SHTN1: variants seen among roughly 807,000 people sequenced by gnomAD.
SHTN1 encodes the protein shootin 1.
Under a neutral mutation model 83.1 loss-of-function variants are expected in SHTN1, and 42 were observed. The observed-to-expected ratio is 0.51, with a 90% CI of 0.39 to 0.65. The LOEUF (loss-of-function observed/expected upper bound fraction) is 0.65. SHTN1 is among the 30% of genes least tolerant of loss of function. The probability of loss-of-function intolerance (pLI) is 0.00; values close to 1 mark genes in which losing one functional copy is unlikely to be tolerated. For missense variants in SHTN1, 622 were observed against 737.8 expected (o/e 0.84, Z 1.82); for synonymous variants, 224 against 247.7 (o/e 0.90, Z 0.90).
intron 16 of SHTN1, among the ~76,000 whole-genome samples, chr10:116,893,575 T>TACACACACACACACACACACACACAC (rs1564861763): frequency 2.7e-3 from 2 of 740 alleles, no homozygotes; most frequent in Non-Finnish European, 6.4e-3. Context: ...GGCACTCATG[T>TACACACACACACACACACACACACAC]GCACACACAC....
At chr10:116,954,277 T>C (rs191127264) in intron 4 of SHTN1, 67 bp from the exon 5 acceptor site, 3 of 1,038,512 alleles carry the variant, frequency 2.9e-6, no homozygotes, top group East Asian at 2.6e-5. Context: ...TTTTAAACAA[T>C]AGACAAATTA....
chr10:117,083,627 G>C (rs1054735814), intron 1 of SHTN1, among the ~76,000 whole-genome samples: 51 of 146,772 alleles, frequency 3.5e-4, no homozygotes, highest in East Asian at 4.2e-4. Flanking sequence ...ATCCTGCAGA[G>C]TGTTTTCCAA....
chr10:117,028,133 C>T (rs1195379800), intron 2 of SHTN1, among the ~76,000 whole-genome samples: 1 of 152,152 alleles, frequency 6.6e-6, no homozygotes, highest in Non-Finnish European at 1.5e-5. Flanking sequence ...AACTTGGCTA[C>T]ATTGTGTCCC....
At position 117,100,218 on chromosome 10, in the gene SHTN1, G is replaced by A. The variant is rs1012930580; in HGVS notation, c.-189+26089C>T. Among the ~76,000 whole-genome samples, 18 of 152,124 alleles carry A rather than the reference G, an allele frequency of 1.2e-4. 1 individual carries two copies. Among genetic ancestry groups the A allele is most frequent in the Admixed American group, 9.8e-4 (15 of 15,262 alleles). ...AATAAAAAATAAAGAGTAAATACAT[G>A]TAAAGCATCTGGCACACATCAGATC... On this transcript the variant is annotated intron_variant, in intron 1 of 17. Coordinates refer to the SHTN1 transcript ENST00000392901.
intron 1 of SHTN1, among the ~76,000 whole-genome samples, chr10:117,110,289 C>T (rs1853746286): frequency 6.6e-6 from 1 of 152,210 alleles, no homozygotes. Context: ...TCACACATTG[C>T]TGTCAAAATC....
At chr10:116,984,313 A>G (rs1413213371) in intron 1 of SHTN1, among the ~76,000 whole-genome samples, 3 of 152,368 alleles carry the variant, frequency 2.0e-5, no homozygotes, top group Non-Finnish European at 2.9e-5. Flanking sequence ...CTTCAGTTGC[A>G]TAAGTTAAAT....
At chr10:117,038,593 A>G (rs1167492788) in intron 2 of SHTN1, among the ~76,000 whole-genome samples, 5 of 152,240 alleles carry the variant, frequency 3.3e-5, no homozygotes, top group African/African-American at 9.6e-5. Flanking sequence ...GACATCTTAT[A>G]AAGGGCTGTT....
At chr10:116,977,156 A>G (rs1850837666) in intron 2 of SHTN1, among the ~76,000 whole-genome samples, 1 of 152,234 alleles carries the variant, frequency 6.6e-6, no homozygotes, top group Non-Finnish European at 1.5e-5. Context: ...AGCATCTACT[A>G]TGTATTTTTA....
upstream of SHTN1, among the ~76,000 whole-genome samples, chr10:117,006,683 C>A (rs192967734): frequency 4.0e-5 from 6 of 151,828 alleles, no homozygotes; most frequent in Admixed American, 3.9e-4. Context: ...TAAGTCCAAA[C>A]TGAATTAGAC....
chr10:117,097,985 T>G (rs957339741), intron 1 of SHTN1, among the ~76,000 whole-genome samples: 1 of 151,456 alleles, frequency 6.6e-6, no homozygotes, highest in Admixed American at 6.6e-5. Flanking sequence ...TCACGTGAAG[T>G]GGAGTGGATA....
chr10:117,009,557 CAA>C (rs1257433352), upstream of SHTN1, among the ~76,000 whole-genome samples: 2 of 151,824 alleles, frequency 1.3e-5, no homozygotes, highest in Admixed American at 6.6e-5. Flanking sequence ...TTACAATAAA[CAA>C]AAGTCTATAT....
At chr10:116,953,770 G>A (rs1178245918) in intron 5 of SHTN1, among the ~76,000 whole-genome samples, 1 of 151,870 alleles carries the variant, frequency 6.6e-6, no homozygotes, top group East Asian at 1.9e-4. Context: ...TGGGATTACA[G>A]GCACCTGCCA....
chr10:116,939,110 G>A (rs1849273358), intron 9 of SHTN1, among the ~76,000 whole-genome samples: 1 of 152,216 alleles, frequency 6.6e-6, no homozygotes, highest in South Asian at 2.1e-4. Context: ...GCTCCGTGGG[G>A]GTGGGATCTG....
intron 1 of SHTN1, among the ~76,000 whole-genome samples, chr10:117,118,289 G>A (rs1853877168): frequency 6.8e-6 from 1 of 147,548 alleles, no homozygotes; most frequent in African/African-American, 2.5e-5. Flanking sequence ...TGGCAAATAG[G>A]TATATGAAGA....
At chr10:116,991,011 CCT>C (rs1415322419) in intron 1 of SHTN1, among the ~76,000 whole-genome samples, 1 of 151,970 alleles carries the variant, frequency 6.6e-6, no homozygotes, top group African/African-American at 2.4e-5. Context: ...ATGGTGAAAC[CCT>C]GTCTCTACTA....
At chr10:116,906,565 G>T (rs1847978857) in intron 15 of SHTN1, 62 bp downstream of exon 15, 4 of 1,490,748 alleles carry the variant, frequency 2.7e-6, no homozygotes, top group Non-Finnish European at 3.6e-6. Flanking sequence ...TGTAAAAAGA[G>T]ACTTAGAAGA....
chr10:116,881,643 G>A lies in SHTN1; in HGVS notation c.*4701C>T, dbSNP rs1314083226. On this transcript the variant is annotated 3_prime_UTR_variant, in exon 17 of 17. Transcript: ENST00000355371. The stretch of plus-strand genomic sequence containing the variant: ...CCCCACACAAGGTGTAGAGGAATCA[G>A]CCGAAACAGGAGCATCCTCTGGATA... 1 of 1,547,622 alleles carries A rather than the reference G, an allele frequency of 6.5e-7. No individual in the cohort carries two copies.
Position 116,940,618 on chromosome 10 carries a change from A to G in SHTN1, c.712-6T>C, listed in dbSNP as rs758206906. The G allele has an allele frequency of 7.5e-6, 12 of 1,597,924 alleles. No individual in the cohort carries two copies. Among genetic ancestry groups the G allele is most frequent in the Middle Eastern group, 1.7e-4 (1 of 5,996 alleles). Reference sequence around the variant, plus strand: ...TTGTTTTGCTCAATGAACATCTGCAAAAGTTTGTTACAAGAATGTATATAT... The same window carrying G: ...TTGTTTTGCTCAATGAACATCTGCAGAAGTTTGTTACAAGAATGTATATAT... On this transcript the variant is annotated splice_region_variant and splice_polypyrimidine_tract_variant and intron_variant, in intron 8 of 16. Coordinates refer to ENST00000355371, the MANE Select transcript of SHTN1 (RefSeq NM_001127211.3).
In SHTN1 at chr10:117,090,232, AGAAAG is replaced by A. The variant is rs1422668221; in HGVS notation, c.-189+36070_-189+36074del. 2.6e-5 allele frequency among the ~76,000 whole-genome samples: 4 copies of A among 152,236 alleles called. No individual in the cohort carries two copies. The East Asian group carries it at 7.7e-4, about 29-fold the overall frequency. On this transcript the variant is annotated intron_variant, in intron 1 of 17. Transcript: ENST00000392901. ...ACAATGGAATTATTCATCCTTAAAA[AGAAAG>A]GAAATTCTGACACGTGCTACAACAT...
Sources: gnomAD v4.1 joint callset for allele counts (sites outside exome capture counted in the v4.1 genomes callset) on GRCh38, gnomAD v4.1.1 for gene constraint, MANE v1.5 for transcripts, NCBI Gene and HGNC (gene_info 2026-07-23, HGNC 2026-07-21) for gene names.